Variants in RDX observed in about 807,000 individuals in gnomAD.
RDX encodes deafness, autosomal recessive 24.
In RDX, 32 loss-of-function variants were observed where a neutral mutation model predicts 83.7. The ratio of observed to expected loss-of-function variants is 0.38; its 90% CI spans 0.29 to 0.51. The LOEUF is 0.51. Among genes scored for constraint, RDX ranks in the 20% least tolerant of loss-of-function variants. The probability of loss-of-function intolerance (pLI) is 0.87; values close to 1 mark genes in which losing one functional copy is unlikely to be tolerated. For missense variants in RDX, 600 were observed against 689.9 expected (o/e 0.87, Z 1.46); for synonymous variants, 229 against 222.7 (o/e 1.03, Z -0.25).
intron 1 of RDX, among the ~76,000 whole-genome samples, chr11:110,295,285 A>T (rs1250294263): frequency 6.7e-6 from 1 of 148,934 alleles, no homozygotes; most frequent in Non-Finnish European, 1.5e-5. Flanking sequence ...TCCATCAGTC[A>T]TATAAAAGAG....
At chr11:110,237,091 A>G (rs1490462043) in intron 11 of RDX, among the ~76,000 whole-genome samples, 1 of 144,912 alleles carries the variant, frequency 6.9e-6, no homozygotes, top group Non-Finnish European at 1.5e-5. Context: ...TTATGGCCTC[A>G]TAGGAACTAT....
chr11:110,252,600 T>G (rs1859381496), intron 9 of RDX, among the ~76,000 whole-genome samples: 1 of 152,130 alleles, frequency 6.6e-6, no homozygotes, highest in Non-Finnish European at 1.5e-5. Context: ...AAAGAAGTCT[T>G]CCCTTTGACA....
intron 14 of RDX, among the ~76,000 whole-genome samples, chr11:110,215,049 A>AATATATATATATAT (rs572205859): frequency 1.0e-5 from 1 of 97,270 alleles, no homozygotes; most frequent in South Asian, 3.3e-4. Context: ...AAAAAAAAAA[A>AATATATATATATAT]ATATATATAT....
chr11:110,262,273 G>A lies in RDX; in HGVS notation c.467+1687C>T, dbSNP rs995491595. Among the ~76,000 whole-genome samples the A allele has an allele frequency of 7.2e-5, 11 of 152,050 alleles. 1 individual carries two copies. The highest frequency in any genetic ancestry group is 2.7e-4 in the African/African-American group (11 of 41,398). On this transcript the variant is annotated intron_variant, in intron 5 of 13. Transcript: ENST00000645495. ...ACTATTGCTACAAAATTAAAGGGCGGAACACTGTGACATTTAATAATTGAA... is the reference window on the plus strand; with the variant it reads ...ACTATTGCTACAAAATTAAAGGGCGAAACACTGTGACATTTAATAATTGAA...
At chr11:110,219,414 T>A (rs941861773) in intron 14 of RDX, among the ~76,000 whole-genome samples, 9 of 152,194 alleles carry the variant, frequency 5.9e-5, no homozygotes, top group Admixed American at 2.6e-4. Flanking sequence ...CCGAAGGATT[T>A]TGAGCACAAG....
At position 110,231,610 on chromosome 11, in the gene RDX, A is replaced by G. The variant is rs973084492; in HGVS notation, c.*259T>C. 2.0e-6 allele frequency: 1 copy of G among 504,598 alleles called. No homozygotes were observed. The highest frequency in any genetic ancestry group is 3.6e-6 in the Non-Finnish European group (1 of 279,212). The allele number at this position is 504,598 out of a possible 1,614,324, so 31.3% of individuals were successfully genotyped here. ...TGTTAATCTTCAACAGAAAAAAAAAAGAAAAAGAAAAAAAATGTGAAAAGA... is the reference window on the plus strand; with the variant it reads ...TGTTAATCTTCAACAGAAAAAAAAAGGAAAAAGAAAAAAAATGTGAAAAGA... On this transcript the variant is annotated 3_prime_UTR_variant, in exon 14 of 14. Coordinates refer to ENST00000645495, the MANE Select transcript of RDX (RefSeq NM_002906.4).
At chr11:110,294,097 A>C (rs1861349238) in intron 1 of RDX, among the ~76,000 whole-genome samples, 1 of 152,256 alleles carries the variant, frequency 6.6e-6, no homozygotes, top group Non-Finnish European at 1.5e-5. Flanking sequence ...AAAATGAATA[A>C]TAAAATCCAA....
chr11:110,237,055 T>C (rs565928088), intron 11 of RDX, among the ~76,000 whole-genome samples: 2 of 148,458 alleles, frequency 1.3e-5, no homozygotes, highest in Non-Finnish European at 2.9e-5. Context: ...TATTTGCAAG[T>C]CCACTAAATA....
chr11:110,296,593 A>C lies in RDX; in HGVS notation c.-191T>G, dbSNP rs1291596723. On this transcript the variant is annotated 5_prime_UTR_variant, in exon 1 of 14. Coordinates refer to ENST00000645495, the MANE Select transcript of RDX (RefSeq NM_002906.4). ...GCGGGAGACGAGAGGCGCCGCCGCC[A>C]CCGCAGACAGCTCCGCAATATGGCC... 6.6e-6 allele frequency: 1 copy of C among 150,896 alleles called. No individual in the cohort carries two copies. The highest frequency in any genetic ancestry group is 6.6e-5 in the Admixed American group (1 of 15,166). 9.3% of individuals were successfully genotyped at this position (150,896 alleles called of 1,614,324 possible).
intron 10 of RDX, among the ~76,000 whole-genome samples, chr11:110,247,179 A>G (rs1374337678): frequency 6.6e-6 from 1 of 152,206 alleles, no homozygotes; most frequent in African/African-American, 2.4e-5. Flanking sequence ...TCTTCCAAAC[A>G]CATTACCAAA....
chr11:110,288,873 T>A (rs1861096194), intron 1 of RDX, among the ~76,000 whole-genome samples: 1 of 152,210 alleles, frequency 6.6e-6, no homozygotes, highest in Non-Finnish European at 1.5e-5. Context: ...TCTCTTTTTT[T>A]ATGTTGTAAA....
chr11:110,237,430 T>C (rs551101816), intron 11 of RDX, 62 bp downstream of exon 11: 1 of 1,520,562 alleles, frequency 6.6e-7, no homozygotes, highest in East Asian at 2.3e-5. Context: ...TTTTTTTCTT[T>C]TTTAGAGGGT....
intron 2 of RDX, among the ~76,000 whole-genome samples, chr11:110,275,383 CTT>C (rs1468129241): frequency 1.3e-5 from 2 of 152,132 alleles, no homozygotes; most frequent in Non-Finnish European, 2.9e-5. Flanking sequence ...CCTTATAAGA[CTT>C]TGAAGCAGGG....
chr11:110,249,165 A>G (rs1233478731), intron 9 of RDX, among the ~76,000 whole-genome samples: 4 of 152,222 alleles, frequency 2.6e-5, no homozygotes, highest in Non-Finnish European at 5.9e-5. Context: ...TTGTTTACTT[A>G]AGTTGAATCA....
chr11:110,268,059 C>T (rs1860132488), intron 3 of RDX, among the ~76,000 whole-genome samples: 2 of 152,222 alleles, frequency 1.3e-5, no homozygotes, highest in Non-Finnish European at 1.5e-5. Flanking sequence ...CCTGTAATCT[C>T]GGCACTTTGG....
At chr11:110,261,457 T>C (rs1428163418) in intron 5 of RDX, among the ~76,000 whole-genome samples, 7 of 152,212 alleles carry the variant, frequency 4.6e-5, no homozygotes, top group Admixed American at 3.9e-4. Context: ...GAAATCAGAA[T>C]GTATCAGAAT....
At chr11:110,265,302 G>T (rs1859990964) in intron 3 of RDX, among the ~76,000 whole-genome samples, 2 of 151,766 alleles carry the variant, frequency 1.3e-5, no homozygotes, top group Admixed American at 1.3e-4. Context: ...ATGTTGGCCA[G>T]GTTGGTCTCA....
intron 15 of RDX, among the ~76,000 whole-genome samples, chr11:110,197,266 C>T (rs770155262): frequency 4.6e-5 from 7 of 152,130 alleles, no homozygotes; most frequent in East Asian, 3.9e-4. Flanking sequence ...CCCCTAGTCA[C>T]GAGGAAGATA....
chr11:110,189,266 A>AAAAAAAAAAAAAAC (rs1244166041), intron 15 of RDX, among the ~76,000 whole-genome samples: 7 of 147,408 alleles, frequency 4.7e-5, no homozygotes, highest in Non-Finnish European at 8.9e-5. Flanking sequence ...AAAAAAAAAA[A>AAAAAAAAAAAAAAC]AAGACAAGGG....
Sources: allele counts gnomAD v4.1 joint callset (sites outside exome capture counted in the v4.1 genomes callset), GRCh38; gene constraint gnomAD v4.1.1; transcripts MANE v1.5; gene names NCBI Gene and HGNC (gene_info 2026-07-23, HGNC 2026-07-21).